CLSTN2: variants seen among roughly 807,000 people sequenced by gnomAD.
CLSTN2 encodes the protein calsyntenin 2, also known as calsyntenin-2.
A neutral mutation model predicts 101.2 loss-of-function variants in CLSTN2; 48 were observed. The ratio of observed to expected loss-of-function variants is 0.47; its 90% CI spans 0.38 to 0.60. The LOEUF is 0.60. CLSTN2 is among the 20% of genes least tolerant of loss of function. The pLI is 0.00. For missense variants in CLSTN2, 1,160 were observed against 1,238.2 expected (o/e 0.94, Z 0.95); for synonymous variants, 481 against 463.6 (o/e 1.04, Z -0.48).
At chr3:140,075,517 C>T (rs1322320497) in intron 1 of CLSTN2, among the ~76,000 whole-genome samples, 2 of 152,192 alleles carry the variant, frequency 1.3e-5, no homozygotes, top group African/African-American at 4.8e-5. Context: ...AATACTCTTA[C>T]ATCAAAACAG....
At chr3:140,235,629 T>G (rs2086410280) in intron 2 of CLSTN2, among the ~76,000 whole-genome samples, 1 of 152,162 alleles carries the variant, frequency 6.6e-6, no homozygotes, top group Admixed American at 6.5e-5. Context: ...TATTCTCTGG[T>G]GAGAAACCTT....
chr3:140,339,684 C>T (rs190853696), intron 2 of CLSTN2, among the ~76,000 whole-genome samples: 107 of 152,266 alleles, frequency 7.0e-4, no homozygotes, highest in African/African-American at 2.4e-3. Flanking sequence ...AAATTACATT[C>T]GCCCTGTGGT....
chr3:140,282,922 C>G (rs1348787368), intron 2 of CLSTN2, among the ~76,000 whole-genome samples: 1 of 152,140 alleles, frequency 6.6e-6, no homozygotes, highest in African/African-American at 2.4e-5. Flanking sequence ...CAAAAGATCC[C>G]TTCAACCTTC....
chr3:140,451,388 C>A (rs1211876305), intron 6 of CLSTN2, among the ~76,000 whole-genome samples: 1 of 152,194 alleles, frequency 6.6e-6, no homozygotes, highest in East Asian at 1.9e-4. Flanking sequence ...TTAATTCAGC[C>A]AGCAAGGCCG....
At chr3:140,305,054 A>T (rs1479870) in intron 2 of CLSTN2, among the ~76,000 whole-genome samples, 55,873 of 117,696 alleles carry the variant, frequency 0.47, 11,335 homozygotes, top group Non-Finnish European at 0.55. Context: ...ACACACACAC[A>T]CTCTCTCTCT....
At chr3:140,081,429 G>C (rs1202455517) in intron 1 of CLSTN2, among the ~76,000 whole-genome samples, 1 of 152,172 alleles carries the variant, frequency 6.6e-6, no homozygotes, top group Non-Finnish European at 1.5e-5. Flanking sequence ...ACTTGAAAGG[G>C]ATAAAGATTA....
chr3:140,535,614 C>T (rs943988548), intron 9 of CLSTN2, among the ~76,000 whole-genome samples: 3 of 152,222 alleles, frequency 2.0e-5, no homozygotes, highest in Non-Finnish European at 4.4e-5. Flanking sequence ...GGCAAATTAA[C>T]TGTGAGCAGA....
chr3:140,476,948 C>T (rs571719629), intron 8 of CLSTN2, among the ~76,000 whole-genome samples: 6 of 152,192 alleles, frequency 3.9e-5, no homozygotes, highest in Admixed American at 2.6e-4. Context: ...TGTGAGCCAC[C>T]GTGCCCAGCC....
In CLSTN2 at chr3:140,210,437, G is replaced by A. The variant is rs375994906; in HGVS notation, c.232+34364G>A. 1.2e-4 allele frequency among the ~76,000 whole-genome samples: 19 copies of A among 152,270 alleles called. No individual in the cohort carries two copies. The East Asian group carries it at 3.7e-3, about 29-fold the overall frequency. On this transcript the variant is annotated intron_variant, in intron 2 of 16. Coordinates refer to ENST00000458420, the MANE Select transcript of CLSTN2 (RefSeq NM_022131.3). ...TGGAAGCAGTACACACTTTTAGGCA[G>A]GTGTTTGTCACCAATGAGCTATTCA...
chr3:140,009,256 C>T (rs1426027), intron 1 of CLSTN2, among the ~76,000 whole-genome samples: 133,775 of 152,240 alleles, frequency 0.88, 58,866 homozygotes, highest in South Asian at 0.92. Flanking sequence ...TTCCAAGTGT[C>T]GATCTTTAAA....
At position 140,566,094 on chromosome 3, in the gene CLSTN2, A is replaced by T; in HGVS notation, c.2709A>T (p.Gly903=). The T allele has an allele frequency of 1.2e-6, 2 of 1,612,886 alleles. No homozygotes were observed. Among genetic ancestry groups the T allele is most frequent in the South Asian group, 2.2e-5 (2 of 91,060 alleles). ...GPGHGEDETE[G]EEEEEAEEEM... The stretch of plus-strand genomic sequence containing the variant: ...GGCATGGGGAAGATGAGACTGAGGG[A>T]GAAGAGGAGGAAGAAGCCGAGGAAG... The change falls in exon 17 of 17, where the codon GGA becomes GGT. Residue 903 remains glycine (G), a synonymous_variant. Transcript: ENST00000458420.
At chr3:140,162,676 T>A (rs554936651) in intron 1 of CLSTN2, among the ~76,000 whole-genome samples, 1 of 152,268 alleles carries the variant, frequency 6.6e-6, no homozygotes, top group African/African-American at 2.4e-5. Context: ...ACTCTGTATC[T>A]TTTCAGGAAG....
chr3:140,407,395 A>G (rs1213377652), intron 4 of CLSTN2, among the ~76,000 whole-genome samples: 1 of 152,096 alleles, frequency 6.6e-6, no homozygotes, highest in African/African-American at 2.4e-5. Context: ...TGTGGAGTCA[A>G]CCTGACCTGT....
intron 2 of CLSTN2, among the ~76,000 whole-genome samples, chr3:140,191,912 A>T (rs1402622868): frequency 1.3e-5 from 2 of 151,602 alleles, no homozygotes; most frequent in Non-Finnish European, 3.0e-5. Flanking sequence ...GCCCTTCTTT[A>T]CCTAGATGTT....
intron 1 of CLSTN2, among the ~76,000 whole-genome samples, chr3:139,962,843 C>G (rs1460461857): frequency 6.6e-6 from 1 of 152,048 alleles, no homozygotes; most frequent in Non-Finnish European, 1.5e-5. Flanking sequence ...CCCAATAAAG[C>G]TGATATGAGC....
chr3:140,417,132 A>G (rs901927018), intron 4 of CLSTN2, among the ~76,000 whole-genome samples: 3 of 152,196 alleles, frequency 2.0e-5, no homozygotes, highest in Non-Finnish European at 4.4e-5. Flanking sequence ...AAGTTTTTAA[A>G]CAAAATTAGG....
intron 2 of CLSTN2, among the ~76,000 whole-genome samples, chr3:140,203,461 GTTTTTTTTTTTTTTTT>G (rs58182333): frequency 8.8e-5 from 6 of 67,900 alleles, no homozygotes; most frequent in East Asian, 5.0e-4. Context: ...GAAAGTGTGG[GTTTTTTTTTTTTTTTT>G]TTTTTTTTTT....
At chr3:140,412,003 G>T (rs888891540) in intron 4 of CLSTN2, among the ~76,000 whole-genome samples, 1 of 152,186 alleles carries the variant, frequency 6.6e-6, no homozygotes, top group African/African-American at 2.4e-5. Context: ...GATTTTCCAC[G>T]GGGAGATTTG....
rs2009337845 is a variant in CLSTN2 at position 140,121,348 on chromosome 3, A to G, written c.110-54603A>G. 2.0e-5 allele frequency among the ~76,000 whole-genome samples: 3 copies of G among 152,120 alleles called. No individual in the cohort carries two copies. The South Asian group carries it at 6.2e-4, about 32-fold the overall frequency. The stretch of plus-strand genomic sequence containing the variant: ...TAGGGGAAAACTTCCTGGGATTTCT[A>G]GATGGTCAAATTCAACCAGAAGCAA... On this transcript the variant is annotated intron_variant, in intron 1 of 16. Coordinates refer to ENST00000458420, the MANE Select transcript of CLSTN2 (RefSeq NM_022131.3).
Sources: gnomAD v4.1 joint callset for allele counts (sites outside exome capture counted in the v4.1 genomes callset) on GRCh38, gnomAD v4.1.1 for gene constraint, MANE v1.5 for transcripts, NCBI Gene and HGNC (gene_info 2026-07-23, HGNC 2026-07-21) for gene names.